Variants in NPAS3 observed in about 807,000 individuals in gnomAD.
NPAS3 encodes the protein neuronal PAS domain-containing protein 3.
A neutral mutation model predicts 73.1 loss-of-function variants in NPAS3; 14 were observed. That is an observed-to-expected ratio of 0.19 (90% CI 0.13 to 0.30). The LOEUF (loss-of-function observed/expected upper bound fraction) is 0.30, where lower values mean the gene tolerates loss of function less well. NPAS3 is among the 10% of genes least tolerant of loss of function. The pLI is 1.00. For synonymous variants in NPAS3, 620 were observed against 541.5 expected, an observed-to-expected ratio of 1.14 and a Z score of -2.01; for missense variants, 1,096 against 1,250.0, an observed-to-expected ratio of 0.88 and a Z score of 1.86.
At chr14:33,798,414 T>C (rs867097096) in intron 11 of NPAS3, among the ~76,000 whole-genome samples, 5 of 152,150 alleles carry the variant, frequency 3.3e-5, no homozygotes, top group African/African-American at 1.2e-4. Flanking sequence ...CTTTTAACCC[T>C]ACCTCTTCTG....
chr14:33,528,589 T>C (rs1053266866), intron 4 of NPAS3, among the ~76,000 whole-genome samples: 1 of 152,024 alleles, frequency 6.6e-6, no homozygotes, highest in African/African-American at 2.4e-5. Context: ...AAATCCTTCA[T>C]GCTTTTGTCA....
At chr14:33,031,903 G>A (rs544712309) in intron 1 of NPAS3, among the ~76,000 whole-genome samples, 49 of 152,286 alleles carry the variant, frequency 3.2e-4, no homozygotes, top group African/African-American at 1.1e-3. Flanking sequence ...CTCACAGAGC[G>A]GAATGTAATA....
chr14:32,944,977 G>T (rs2036192041), intron 1 of NPAS3, among the ~76,000 whole-genome samples: 1 of 152,108 alleles, frequency 6.6e-6, no homozygotes, highest in Non-Finnish European at 1.5e-5. Flanking sequence ...TTCATTTATT[G>T]AACCTCTACC....
At chr14:32,979,435 G>A (rs2037812045) in intron 1 of NPAS3, among the ~76,000 whole-genome samples, 1 of 152,030 alleles carries the variant, frequency 6.6e-6, no homozygotes, top group African/African-American at 2.4e-5. Flanking sequence ...AATCCTTTGT[G>A]GTAGGTAGCA....
intron 3 of NPAS3, among the ~76,000 whole-genome samples, chr14:33,335,664 C>T (rs188595750): frequency 3.9e-5 from 6 of 152,146 alleles, no homozygotes; most frequent in Admixed American, 1.3e-4. Flanking sequence ...CCTTGCGGGA[C>T]GTTTGAGTGG....
intron 6 of NPAS3, 104 bp from the exon 7 acceptor site, chr14:33,735,110 C>A: frequency 1.3e-6 from 1 of 768,198 alleles, no homozygotes; most frequent in South Asian, 1.5e-5. Flanking sequence ...TAGCACCCAT[C>A]AGTCATTTAT....
intron 2 of NPAS3, among the ~76,000 whole-genome samples, chr14:33,194,587 T>G (rs2046284327): frequency 1.3e-5 from 2 of 152,224 alleles, no homozygotes; most frequent in Non-Finnish European, 2.9e-5. Flanking sequence ...GTATTTATAG[T>G]AATTACAGAT....
intron 4 of NPAS3, among the ~76,000 whole-genome samples, chr14:33,398,065 CCTTT>C: frequency 6.6e-6 from 1 of 152,134 alleles, no homozygotes; most frequent in Non-Finnish European, 1.5e-5. Context: ...ACATTCTTCT[CCTTT>C]CTCCCTCTCA....
At chr14:33,740,928 T>A (rs540271441) in intron 7 of NPAS3, among the ~76,000 whole-genome samples, 1 of 152,310 alleles carries the variant, frequency 6.6e-6, no homozygotes, top group East Asian at 1.9e-4. Flanking sequence ...CCATGATTTC[T>A]CAGGGATTGC....
intron 5 of NPAS3, among the ~76,000 whole-genome samples, chr14:33,633,165 T>A (rs1203708732): frequency 6.6e-6 from 1 of 152,218 alleles, no homozygotes; most frequent in African/African-American, 2.4e-5. Context: ...TATATGCATA[T>A]ACCATGCAAT....
chr14:33,326,825 G>A (rs537056932), intron 3 of NPAS3, among the ~76,000 whole-genome samples: 77 of 152,300 alleles, frequency 5.1e-4, no homozygotes, highest in Admixed American at 1.0e-3. Flanking sequence ...GAGATACTGA[G>A]CTTGCAAAGA....
At chr14:33,377,222 A>G (rs1163204034) in intron 4 of NPAS3, among the ~76,000 whole-genome samples, 1 of 152,190 alleles carries the variant, frequency 6.6e-6, no homozygotes, top group Non-Finnish European at 1.5e-5. Flanking sequence ...TTGTCATAAT[A>G]CTCTCATTGG....
At chr14:33,101,370 G>T (rs539712529) in intron 2 of NPAS3, among the ~76,000 whole-genome samples, 1 of 152,108 alleles carries the variant, frequency 6.6e-6, no homozygotes, top group Non-Finnish European at 1.5e-5. Context: ...AAGAGTGCAG[G>T]TGTATTGTAA....
chr14:33,660,410 G>T (rs535935430), intron 5 of NPAS3, among the ~76,000 whole-genome samples: 26 of 152,298 alleles, frequency 1.7e-4, no homozygotes, highest in African/African-American at 6.0e-4. Flanking sequence ...AGCTGCAGTT[G>T]AGTCTTCACA....
chr14:33,606,904 A>G (rs1440826592), intron 5 of NPAS3, among the ~76,000 whole-genome samples: 1 of 152,218 alleles, frequency 6.6e-6, no homozygotes, highest in Non-Finnish European at 1.5e-5. Flanking sequence ...AAAAAATTTA[A>G]TGGGCAAAAT....
chr14:33,183,120 A>G (rs1326554977), intron 2 of NPAS3, among the ~76,000 whole-genome samples: 1 of 152,010 alleles, frequency 6.6e-6, no homozygotes, highest in African/African-American at 2.4e-5. Context: ...TTAACTCTCG[A>G]TGTACCTTAG....
intron 1 of NPAS3, among the ~76,000 whole-genome samples, chr14:33,040,843 C>A (rs1338696965): frequency 6.6e-6 from 1 of 152,128 alleles, no homozygotes; most frequent in African/African-American, 2.4e-5. Flanking sequence ...CTAATAATAA[C>A]CCTTCACATT....
chr14:33,579,789 A>G (rs2056591406), intron 5 of NPAS3, among the ~76,000 whole-genome samples: 1 of 152,098 alleles, frequency 6.6e-6, no homozygotes, highest in Non-Finnish European at 1.5e-5. Context: ...ATTTTTTTTC[A>G]AAGCTGCCAA....
chr14:33,613,799 ATCCT>A (rs34143250), intron 5 of NPAS3, among the ~76,000 whole-genome samples: 13,881 of 152,236 alleles, frequency 0.091, 677 homozygotes, highest in South Asian at 0.16. Context: ...CTACTTTAAG[ATCCT>A]TCTTTGACCT....
Sources: gnomAD v4.1 joint callset for allele counts (sites outside exome capture counted in the v4.1 genomes callset) on GRCh38, gnomAD v4.1.1 for gene constraint, MANE v1.5 for transcripts, NCBI Gene and HGNC (gene_info 2026-07-23, HGNC 2026-07-21) for gene names.